The following ERGIC3 variants were observed in gnomAD, a reference collection of about 807,000 sequenced individuals.
The protein encoded by ERGIC3 is endoplasmic reticulum-Golgi intermediate compartment protein 3.
A neutral mutation model predicts 54.7 loss-of-function variants in ERGIC3; 33 were observed. The observed-to-expected ratio is 0.60, with a 90% CI of 0.46 to 0.81. ERGIC3 has a LOEUF of 0.81. Ranked by LOEUF, ERGIC3 falls within the 30% of genes least tolerant of loss-of-function variation. The probability of loss-of-function intolerance (pLI) is 0.00; values close to 1 mark genes in which losing one functional copy is unlikely to be tolerated. For missense variants in ERGIC3, 399 were observed against 488.4 expected, an observed-to-expected ratio of 0.82 and a Z score of 1.73; for synonymous variants, 186 against 189.8, an observed-to-expected ratio of 0.98 and a Z score of 0.16.
chr20:35,547,624 T>C (rs1005278748), intron 5 of ERGIC3, 119 bp downstream of exon 5: 4 of 817,668 alleles, frequency 4.9e-6, no homozygotes, highest in Non-Finnish European at 8.0e-6. Flanking sequence ...GTGGGCGGGG[T>C]ATGTGCCTCT....
At chr20:35,550,902 T>C (rs1484684910) in intron 7 of ERGIC3, among the ~76,000 whole-genome samples, 1 of 152,150 alleles carries the variant, frequency 6.6e-6, no homozygotes, top group African/African-American at 2.4e-5. Context: ...TGGTGGGAAG[T>C]GACTGGCTTC....
rs1258063578 is a variant in ERGIC3, at chr20:35,557,245, C to A, written c.1068C>A (p.Phe356Leu). 6.2e-7 allele frequency: 1 copy of A among 1,613,966 alleles called. No homozygotes were observed. The highest frequency in any genetic ancestry group is 1.1e-5 in the South Asian group (1 of 91,072). The change falls in exon 12 of 13, where the codon TTC (phenylalanine) becomes TTA (leucine). Residue 356 changes from phenylalanine to leucine, a missense_variant. Phe to Leu is a conservative substitution (Grantham distance 22). Coordinates refer to ENST00000348547, the MANE Select transcript of ERGIC3 (RefSeq NM_015966.3). ...TGTGCGCCATCATTGGGGGCATGTT[C>A]ACAGGTAAGAGGCCCAGGGCGTCTG... ...TGVCAIIGGM[F>L]TVAGLIDSLI...
chr20:35,543,933 T>C (rs2064631437), intron 4 of ERGIC3: 1 of 332,518 alleles, frequency 3.0e-6, no homozygotes, highest in African/African-American at 2.2e-5. Flanking sequence ...AATTTAGGAG[T>C]GGCTTGTTTG....
chr20:35,555,659 A>C (rs2064707056), intron 8 of ERGIC3, among the ~76,000 whole-genome samples: 1 of 151,938 alleles, frequency 6.6e-6, no homozygotes, highest in Non-Finnish European at 1.5e-5. Flanking sequence ...TATTTTAAGA[A>C]ATCTGGAACC....
chr20:35,544,625 C>G, intron 4 of ERGIC3: 1 of 239,944 alleles, frequency 4.2e-6, no homozygotes. Flanking sequence ...GGATCATGTC[C>G]CACATGAATT....
chr20:35,542,245 T>C, intron 1 of ERGIC3, 60 bp downstream of exon 1: 1 of 1,610,396 alleles, frequency 6.2e-7, no homozygotes, highest in Non-Finnish European at 8.5e-7. Context: ...TAGCCCGGGC[T>C]CCTGGACTCT....
intron 10 of ERGIC3, 126 bp from the exon 11 acceptor site, chr20:35,556,847 G>A (rs928255109): frequency 1.8e-5 from 24 of 1,341,222 alleles, no homozygotes; most frequent in East Asian, 2.5e-5. Flanking sequence ...CCACTAGCAC[G>A]GTGCTGTGTT....
At chr20:35,556,926 G>A (rs1175062882) in intron 10 of ERGIC3, 47 bp from the exon 11 acceptor site, 1 of 1,612,450 alleles carries the variant, frequency 6.2e-7, no homozygotes, top group Non-Finnish European at 8.5e-7. Flanking sequence ...GGTGGCTGGA[G>A]CCAGGTCCTA....
chr20:35,557,585 G>C lies in ERGIC3; in HGVS notation c.*81G>C, dbSNP rs1601370317. 8.4e-7 allele frequency: 1 copy of C among 1,195,222 alleles called. No homozygotes were observed. The highest frequency in any genetic ancestry group is 1.2e-6 in the Non-Finnish European group (1 of 806,206). The allele number at this position is 1,195,222 out of a possible 1,614,324, so 74.0% of individuals were successfully genotyped here. A position where few individuals can be genotyped will look rare whatever the true frequency, so the allele number is the denominator to read the frequency against. ...AGCCTCTGCCACCCTCCACCTCCTCGGTCAGCCCCAGCCCCAGGTTGATAA... is the reference window on the plus strand; with the variant it reads ...AGCCTCTGCCACCCTCCACCTCCTCCGTCAGCCCCAGCCCCAGGTTGATAA... On this transcript the variant is annotated 3_prime_UTR_variant, in exon 13 of 13. Transcript: ENST00000348547.
At position 35,557,079 on chromosome 20, in the gene ERGIC3, C is replaced by T; in HGVS notation, c.986C>T (p.Pro329Leu). The T allele has an allele frequency of 6.2e-7, 1 of 1,614,234 alleles. No homozygotes were observed. The highest frequency in any genetic ancestry group is 8.5e-7 in the Non-Finnish European group (1 of 1,180,036). The change falls in exon 11 of 13, where the codon CCC becomes CTC. Residue 329 changes from proline to leucine, a missense_variant. Pro to Leu is a moderately conservative substitution (Grantham distance 98). Transcript: ENST00000348547. The stretch of plus-strand genomic sequence containing the variant: ...GTCTTCGTCCTCTATGAGCTCTCGC[C>T]CATGATGGTGAAGCTGACGGAGAAG... ...PGVFVLYELS[P>L]MMVKLTEKHR...
rs2064710594 is a variant in ERGIC3, at chr20:35,556,190, C to CTTTG, written c.815-13_815-10dup. On this transcript the variant is annotated splice_polypyrimidine_tract_variant and intron_variant, in intron 9 of 12. Coordinates refer to ENST00000348547, the MANE Select transcript of ERGIC3 (RefSeq NM_015966.3). The stretch of plus-strand genomic sequence containing the variant: ...GCCGGCCGGGCACCCATACCCAGTG[C>CTTTG]TTTGTTTTCCCCTCAGCCTCCATGA... 6.2e-7 allele frequency: 1 copy of CTTTG among 1,614,070 alleles called. No individual in the cohort carries two copies. Among genetic ancestry groups the CTTTG allele is most frequent in the Non-Finnish European group, 8.5e-7 (1 of 1,180,038 alleles).
chr20:35,549,665 C>T (rs972393276), intron 7 of ERGIC3: 11 of 166,804 alleles, frequency 6.6e-5, no homozygotes, highest in African/African-American at 1.7e-4. Context: ...GAGACAGAGT[C>T]TCACTCTGTC....
At chr20:35,553,020 A>ATTGTTTTTTTTTTTT (rs2064689768) in intron 7 of ERGIC3, among the ~76,000 whole-genome samples, 2 of 41,552 alleles carry the variant, frequency 4.8e-5, no homozygotes, top group African/African-American at 8.3e-5. Flanking sequence ...AAAGCTGGGG[A>ATTGTTTTTTTTTTTT]TTTTTTTTTT....
At position 35,548,050 on chromosome 20, in the gene ERGIC3, C is replaced by G. The variant is rs2064659337; in HGVS notation, c.462-459C>G. On this transcript the variant is annotated intron_variant, in intron 5 of 12. Transcript: ENST00000348547. ...TTTTTTATTGTGGGAAAATATGTGACATAAAATTTACCATTTTAACTATTT... is the reference window on the plus strand; with the variant it reads ...TTTTTTATTGTGGGAAAATATGTGAGATAAAATTTACCATTTTAACTATTT... Among the ~76,000 whole-genome samples the G allele has an allele frequency of 3.9e-5, 6 of 152,130 alleles. No homozygotes were observed. The South Asian group carries it at 1.2e-3, about 32-fold the overall frequency.
At chr20:35,542,703 ACCT>A in intron 3 of ERGIC3, 103 bp downstream of exon 3, 3 of 1,600,604 alleles carry the variant, frequency 1.9e-6, no homozygotes, top group African/African-American at 1.3e-5. Flanking sequence ...CCCCAGGACA[ACCT>A]CCTTCTCCTC....
intron 1 of ERGIC3, 43 bp from the exon 2 acceptor site, chr20:35,542,280 A>G: frequency 6.2e-7 from 1 of 1,613,616 alleles, no homozygotes; most frequent in Non-Finnish European, 8.5e-7. Context: ...TGTCTGAGGG[A>G]GCGGATTCGA....
chr20:35,549,216 T>C (rs1432754295), intron 7 of ERGIC3: 1 of 477,456 alleles, frequency 2.1e-6, no homozygotes, highest in South Asian at 1.5e-5. Flanking sequence ...TGGTAGGTAC[T>C]TGTTGAAATG....
chr20:35,542,687 A>G, intron 3 of ERGIC3, 87 bp downstream of exon 3: 1 of 1,599,528 alleles, frequency 6.3e-7, no homozygotes, highest in South Asian at 1.1e-5. Context: ...TAGGTTCTGG[A>G]CTGGACCCCA....
Position 35,542,538 on chromosome 20 carries a change from A to G in ERGIC3, c.185A>G (p.Lys62Arg). The change falls in exon 3 of 13, where the codon AAG becomes AGG. Residue 62 changes from lysine (K) to arginine (R), a missense_variant. Transcript: ENST00000348547. ...GTGCATCCTGAGCTCTACGTGGACA[A>G]GTCGCGGGGAGATAAACTGAAGATC... is the stretch of plus-strand genomic sequence containing the variant. ...TEVHPELYVD[K>R]SRGDKLKINI... is the part of the protein sequence containing the mutation. The G allele has an allele frequency of 3.7e-6, 6 of 1,614,004 alleles. No homozygotes were observed. The highest frequency in any genetic ancestry group is 2.2e-5 in the East Asian group (1 of 44,880).
Sources: allele counts gnomAD v4.1 joint callset (sites outside exome capture counted in the v4.1 genomes callset), GRCh38; gene constraint gnomAD v4.1.1; transcripts MANE v1.5; gene names NCBI Gene and HGNC (gene_info 2026-07-23, HGNC 2026-07-21).